Variants in FILIP1 observed in about 807,000 individuals in gnomAD.
FILIP1 encodes filamin-A-interacting protein 1.
FILIP1 carries 61 observed loss-of-function variants against 102.1 expected under a neutral mutation model. The observed-to-expected ratio is 0.60, with a 90% confidence interval of 0.49 to 0.74. The LOEUF is 0.74. Among genes scored for constraint, FILIP1 ranks in the 30% least tolerant of loss-of-function variants. The probability of loss-of-function intolerance (pLI) is 0.00; values close to 1 mark genes in which losing one functional copy is unlikely to be tolerated. For missense variants in FILIP1, 1,314 were observed against 1,441.2 expected, an observed-to-expected ratio of 0.91 and a Z score of 1.43; for synonymous variants, 491 against 526.9, an observed-to-expected ratio of 0.93 and a Z score of 0.93.
At chr6:75,303,164 C>T (rs769074656), downstream of FILIP1, among the ~76,000 whole-genome samples, 5 of 151,624 alleles carry the variant, frequency 3.3e-5, no homozygotes, top group Non-Finnish European at 5.9e-5. Context: ...GTTAGATATC[C>T]CTGTTGAGAT....
At chr6:75,427,649 T>C (rs1390982858) in intron 1 of FILIP1, among the ~76,000 whole-genome samples, 1 of 152,106 alleles carries the variant, frequency 6.6e-6, no homozygotes, top group Non-Finnish European at 1.5e-5. Context: ...CCTAACCTCC[T>C]TACTTTAGAC....
Position 75,319,724 on chromosome 6 carries a change from G to A in FILIP1, c.630-4522C>T, listed in dbSNP as rs1773577966. On this transcript the variant is annotated intron_variant, in intron 4 of 5. Coordinates refer to ENST00000237172, the MANE Select transcript of FILIP1 (RefSeq NM_015687.5). Reference sequence around the variant, plus strand: ...GGGCGCCTGTAGTCCCAGCTACTGCGGAGGCTGAGGCAGGATAATTGTGTG... The same window carrying A: ...GGGCGCCTGTAGTCCCAGCTACTGCAGAGGCTGAGGCAGGATAATTGTGTG... The A allele has an allele frequency of 9.2e-6, 3 of 325,620 alleles. No individual in the cohort carries two copies. In the South Asian group the frequency reaches 9.7e-5, roughly 11 times the overall value. The allele number at this position is 325,620 out of a possible 1,614,324, so 20.2% of individuals were successfully genotyped here. A position where few individuals can be genotyped will look rare whatever the true frequency, so the allele number is the denominator to read the frequency against.
intron 1 of FILIP1, among the ~76,000 whole-genome samples, chr6:75,444,230 A>C (rs73461760): frequency 1.3e-5 from 2 of 152,214 alleles, no homozygotes; most frequent in African/African-American, 4.8e-5. Flanking sequence ...TGATACTTCA[A>C]TGAGATTCAG....
At chr6:75,393,186 A>G (rs1476285599) in intron 2 of FILIP1, among the ~76,000 whole-genome samples, 2 of 152,148 alleles carry the variant, frequency 1.3e-5, no homozygotes, top group African/African-American at 2.4e-5. Context: ...TCTCTGTTTA[A>G]CCCAATCACT....
At chr6:75,407,497 A>G (rs2149679302) in intron 2 of FILIP1, among the ~76,000 whole-genome samples, 1 of 152,298 alleles carries the variant, frequency 6.6e-6, no homozygotes, top group African/African-American at 2.4e-5. Context: ...TAGTGCTGGG[A>G]TTACAGGCGT....
intron 1 of FILIP1, among the ~76,000 whole-genome samples, chr6:75,417,028 A>G (rs1777293577): frequency 6.6e-6 from 1 of 152,104 alleles, no homozygotes; most frequent in Admixed American, 6.6e-5. Context: ...AATAAAGTTT[A>G]TTATAGTATT....
chr6:75,295,714 G>T, exon 7 of FILIP1: 1 of 387,928 alleles, frequency 2.6e-6, no homozygotes, highest in Non-Finnish European at 4.5e-6. Context: ...AATTGCTCTT[G>T]CTACATATTT....
intron 2 of FILIP1, among the ~76,000 whole-genome samples, chr6:75,408,211 C>A (rs538212505): frequency 6.6e-6 from 1 of 152,336 alleles, no homozygotes; most frequent in African/African-American, 2.4e-5. Context: ...TGGAAACCAT[C>A]CCAGCTACTT....
intron 6 of FILIP1, among the ~76,000 whole-genome samples, chr6:75,298,413 A>T (rs1036342084): frequency 1.3e-4 from 20 of 152,326 alleles, no homozygotes; most frequent in African/African-American, 3.6e-4. Context: ...TTAAGCCCAA[A>T]TTATGTTGTT....
At chr6:75,452,027 A>C (rs1778649710) in intron 1 of FILIP1, among the ~76,000 whole-genome samples, 1 of 151,854 alleles carries the variant, frequency 6.6e-6, no homozygotes, top group South Asian at 2.1e-4. Flanking sequence ...AATAATTCCA[A>C]CTTCTGGGAA....
At chr6:75,473,555 C>T (rs142922297) in intron 1 of FILIP1, among the ~76,000 whole-genome samples, 1 of 152,250 alleles carries the variant, frequency 6.6e-6, no homozygotes, top group East Asian at 1.9e-4. Flanking sequence ...GTGCTTCCAG[C>T]TTTTCTGTAA....
At chr6:75,345,735 C>G (rs1331787487) in intron 4 of FILIP1, among the ~76,000 whole-genome samples, 5 of 152,138 alleles carry the variant, frequency 3.3e-5, no homozygotes, top group African/African-American at 1.2e-4. Context: ...TTGGACACCT[C>G]TCTCCCACAA....
chr6:75,445,576 A>G (rs911494586), intron 1 of FILIP1, among the ~76,000 whole-genome samples: 1 of 151,692 alleles, frequency 6.6e-6, no homozygotes, highest in African/African-American at 2.4e-5. Context: ...CACCATGTTT[A>G]TTTGAGCATG....
Position 75,391,603 on chromosome 6 carries a change from A to C in FILIP1, c.276+23094T>G, listed in dbSNP as rs150663797. 3.9e-3 allele frequency among the ~76,000 whole-genome samples: 589 copies of C among 152,268 alleles called. 6 individuals carry two copies. Among genetic ancestry groups the C allele is most frequent in the African/African-American group, 0.014 (564 of 41,558 alleles). ...CTAGAAGTAAACTGACTGTGCTTCT[A>C]ATTAACACAAACTTCTTACTTTAGT... On this transcript the variant is annotated intron_variant, in intron 2 of 5. Transcript: ENST00000237172.
chr6:75,422,551 TG>T (rs1777501869), intron 1 of FILIP1, among the ~76,000 whole-genome samples: 1 of 152,176 alleles, frequency 6.6e-6, no homozygotes, highest in South Asian at 2.1e-4. Flanking sequence ...GCCATTTTCC[TG>T]CCACTAACAA....
intron 3 of FILIP1, among the ~76,000 whole-genome samples, chr6:75,356,471 CTTTT>C (rs111902501): frequency 7.0e-6 from 1 of 142,912 alleles, no homozygotes; most frequent in Non-Finnish European, 1.5e-5. Flanking sequence ...TTTTTGTAGT[CTTTT>C]TTTTTTTTTT....
In FILIP1 at chr6:75,312,895, G is replaced by C. The variant is rs1284635692; in HGVS notation, c.2937C>G (p.Ser979=). The change falls in exon 5 of 6, where the codon TCC becomes TCG. Residue 979 remains serine (S), a synonymous_variant. Transcript: ENST00000237172. ...TGGAAAATGTAGTAATTGTGACTGG[G>C]GACATGGCTCGTTCTGGGCCAAGAG... ...DTTLGPERAM[S]PVTITTFSRE... is the part of the protein sequence containing the mutation. 2 of 1,614,018 alleles carry C rather than the reference G, an allele frequency of 1.2e-6. No individual in the cohort carries two copies. Among genetic ancestry groups the C allele is most frequent in the Middle Eastern group, 1.6e-4 (1 of 6,084 alleles).
chr6:75,344,045 G>A (rs1398451020), intron 4 of FILIP1, among the ~76,000 whole-genome samples: 2 of 152,190 alleles, frequency 1.3e-5, no homozygotes, highest in Non-Finnish European at 2.9e-5. Context: ...TAACCCAACA[G>A]CAATGCTTAT....
chr6:75,340,955 C>T (rs1261841354), intron 4 of FILIP1, among the ~76,000 whole-genome samples: 23 of 150,058 alleles, frequency 1.5e-4, no homozygotes, highest in South Asian at 4.2e-4. Flanking sequence ...CCATCCACCC[C>T]GGCTTCCCAA....
Sources: gnomAD v4.1 joint callset for allele counts (sites outside exome capture counted in the v4.1 genomes callset) on GRCh38, gnomAD v4.1.1 for gene constraint, MANE v1.5 for transcripts, NCBI Gene and HGNC (gene_info 2026-07-23, HGNC 2026-07-21) for gene names.